The following ANKRD17 variants were observed in gnomAD, a reference collection of about 807,000 sequenced individuals.
The protein encoded by ANKRD17 is ankyrin repeat domain 17.
In ANKRD17, 19 loss-of-function variants were observed where a neutral mutation model predicts 229.7. That is an observed-to-expected ratio of 0.08 (90% CI 0.06 to 0.12). ANKRD17 has a LOEUF of 0.12. Among genes scored for constraint, ANKRD17 ranks in the 10% least tolerant of loss-of-function variants. ANKRD17 has a pLI of 1.00. For synonymous variants in ANKRD17, 1,112 were observed against 1,146.1 expected, an observed-to-expected ratio of 0.97 and a Z score of 0.60; for missense variants, 2,176 against 3,176.8, an observed-to-expected ratio of 0.68 and a Z score of 7.57.
intron 1 of ANKRD17, among the ~76,000 whole-genome samples, chr4:73,209,442 C>T (rs1017591025): frequency 3.3e-5 from 5 of 151,952 alleles, no homozygotes; most frequent in African/African-American, 1.2e-4. Flanking sequence ...CACAATTTAT[C>T]AAATCTGACA....
Position 73,147,812 on chromosome 4 carries a change from G to C in ANKRD17, c.1568-380C>G, listed in dbSNP as rs187745561. ...AACATTCAATAAGCTCTATTTCCCA[G>C]GCAATATCAAAGCATTTTACAACTT... On this transcript the variant is annotated intron_variant, in intron 8 of 33. Coordinates refer to ENST00000358602, the MANE Select transcript of ANKRD17 (RefSeq NM_032217.5). Among the ~76,000 whole-genome samples the C allele has an allele frequency of 3.3e-5, 5 of 151,924 alleles. No homozygotes were observed. The East Asian group carries it at 9.7e-4, about 29-fold the overall frequency.
intron 16 of ANKRD17, among the ~76,000 whole-genome samples, chr4:73,128,956 A>C (rs1409702383): frequency 6.6e-6 from 1 of 152,216 alleles, no homozygotes; most frequent in Non-Finnish European, 1.5e-5. Flanking sequence ...TAATCATGGA[A>C]ATAATTATAA....
At chr4:73,096,914 T>C (rs562522307) in intron 27 of ANKRD17, among the ~76,000 whole-genome samples, 9 of 152,156 alleles carry the variant, frequency 5.9e-5, no homozygotes, top group Non-Finnish European at 1.3e-4. Flanking sequence ...CAAAGCAAAC[T>C]CCAATACTTT....
intron 9 of ANKRD17, 81 bp from the exon 10 acceptor site, chr4:73,146,954 A>G (rs540266841): frequency 9.5e-6 from 11 of 1,156,162 alleles, no homozygotes; most frequent in East Asian, 2.4e-5. Context: ...CTTCTTCTAG[A>G]TAAGTCATAC....
rs1577969098 is a variant in ANKRD17 at position 73,076,310 on chromosome 4, A to G, written c.7753-20T>C. The G allele has an allele frequency of 1.9e-6, 3 of 1,553,674 alleles. No individual in the cohort carries two copies. The highest frequency in any genetic ancestry group is 2.5e-5 in the South Asian group (2 of 80,860). ...CCACACCTATGAATATAGAGCATGC[A>G]TTTTACAAAATATATATCTAGCATA... On this transcript the variant is annotated intron_variant, in intron 33 of 33. Coordinates refer to ENST00000358602, the MANE Select transcript of ANKRD17 (RefSeq NM_032217.5).
rs934438411 is a variant in ANKRD17, at chr4:73,229,248, G to A, written c.393+29028C>T. Reference sequence around the variant, plus strand: ...GTATACATATGTAACAAACCTGCACGTTGTGCACATGTACCCTAGAACTTA... The same window carrying A: ...GTATACATATGTAACAAACCTGCACATTGTGCACATGTACCCTAGAACTTA... On this transcript the variant is annotated intron_variant, in intron 1 of 33. Transcript: ENST00000358602. 9.9e-5 allele frequency among the ~76,000 whole-genome samples: 15 copies of A among 152,216 alleles called. No individual in the cohort carries two copies. The East Asian group carries it at 1.7e-3, about 18-fold the overall frequency.
chr4:73,162,153 A>G (rs1434227246), intron 2 of ANKRD17, among the ~76,000 whole-genome samples: 1 of 151,654 alleles, frequency 6.6e-6, no homozygotes, highest in East Asian at 1.9e-4. Flanking sequence ...TGGGTTCAAA[A>G]TCTTCCTGCC....
intron 25 of ANKRD17, chr4:73,101,210 T>G (rs1445875646): frequency 1.0e-6 from 1 of 976,770 alleles, no homozygotes; most frequent in African/African-American, 1.8e-5. Flanking sequence ...TATACTTCCA[T>G]CCCAAATAAC....
chr4:73,250,399 G>C (rs1744882861), intron 1 of ANKRD17, among the ~76,000 whole-genome samples: 1 of 151,446 alleles, frequency 6.6e-6, no homozygotes, highest in South Asian at 2.1e-4. Flanking sequence ...CCGGGAGTTT[G>C]CGACCAGCCG....
intron 1 of ANKRD17, among the ~76,000 whole-genome samples, chr4:73,246,701 G>C (rs2149272157): frequency 1.3e-5 from 2 of 152,256 alleles, no homozygotes; most frequent in East Asian, 3.9e-4. Flanking sequence ...TATGTTTGCT[G>C]TGCGGGGTAA....
At chr4:73,081,991 A>G (rs1019782951) in intron 30 of ANKRD17, among the ~76,000 whole-genome samples, 1 of 152,022 alleles carries the variant, frequency 6.6e-6, no homozygotes, top group East Asian at 1.9e-4. Context: ...ACAAAAAAAA[A>G]TTTAACAAAT....
chr4:73,156,401 A>T (rs755736270), intron 3 of ANKRD17, among the ~76,000 whole-genome samples: 1 of 152,134 alleles, frequency 6.6e-6, no homozygotes, highest in Non-Finnish European at 1.5e-5. Context: ...GAACAACCAC[A>T]CCCAGCCAGA....
At position 73,148,883 on chromosome 4, in the gene ANKRD17, T is replaced by C. The variant is rs1730638387; in HGVS notation, c.1497A>G (p.Glu499=). Residue 499 remains glutamate, a synonymous_variant, in exon 8 of 34, where the codon GAA becomes GAG. Coordinates refer to ENST00000358602, the MANE Select transcript of ANKRD17 (RefSeq NM_032217.5). ...RGASLEEVND[E]GYTPLMEAAR... ...CTGCTTCCATCAATGGTGTATAACC[T>C]TCATCATTGACCTCTTCCAGGCTAG... 1 of 1,613,906 alleles carries C rather than the reference T, an allele frequency of 6.2e-7. No individual in the cohort carries two copies. Among genetic ancestry groups the C allele is most frequent in the South Asian group, 1.1e-5 (1 of 91,078 alleles).
In ANKRD17 at chr4:73,099,664, G is replaced by A. The variant is rs144630306; in HGVS notation, c.4574-1144C>T. 3.3e-4 allele frequency among the ~76,000 whole-genome samples: 51 copies of A among 152,284 alleles called. No homozygotes were observed. The East Asian group carries it at 6.2e-3, about 19-fold the overall frequency. On this transcript the variant is annotated intron_variant, in intron 25 of 33. Transcript: ENST00000358602. ...TGTGGCCAATGGAGGGGGTGCTGGC[G>A]CCAGGATTCCCCCAGCCAAACTGTG...
chr4:73,252,149 A>G (rs1263741235), intron 1 of ANKRD17, among the ~76,000 whole-genome samples: 2 of 152,224 alleles, frequency 1.3e-5, no homozygotes, highest in African/African-American at 2.4e-5. Flanking sequence ...AGAACCTAGC[A>G]GAGATACAAA....
Position 73,140,075 on chromosome 4 carries a change from C to T in ANKRD17, c.2541G>A (p.Lys847=). The change falls in exon 15 of 34, where the codon AAG becomes AAA. Residue 847 remains lysine, a synonymous_variant. Transcript: ENST00000358602. Reference sequence around the variant, plus strand: ...CCCTTGTTTTGTTGAGCTCCTCGATCTTCTCCTTGGTAAGTTGGTCAGCAT... The same window carrying T: ...CCCTTGTTTTGTTGAGCTCCTCGATTTTCTCCTTGGTAAGTTGGTCAGCAT... ...LAHADQLTKE[K]IEELNKTREE... is the part of the protein sequence containing the mutation. The T allele has an allele frequency of 1.2e-6, 2 of 1,614,180 alleles. No individual in the cohort carries two copies. Among genetic ancestry groups the T allele is most frequent in the Non-Finnish European group, 1.7e-6 (2 of 1,180,040 alleles).
At chr4:73,194,930 T>C (rs531432186) in intron 1 of ANKRD17, among the ~76,000 whole-genome samples, 1 of 152,312 alleles carries the variant, frequency 6.6e-6, no homozygotes, top group East Asian at 1.9e-4. Flanking sequence ...TCATGTTTTT[T>C]GGTGCAATTA....
At chr4:73,100,807 G>A in intron 25 of ANKRD17, 1 of 976,264 alleles carries the variant, frequency 1.0e-6, no homozygotes, top group South Asian at 4.7e-5. Flanking sequence ...ATAAAATGCT[G>A]GAGAAGGGAA....
intron 1 of ANKRD17, among the ~76,000 whole-genome samples, chr4:73,254,653 A>C (rs1745301940): frequency 6.6e-6 from 1 of 152,070 alleles, no homozygotes; most frequent in Admixed American, 6.6e-5. Flanking sequence ...CTGTAATTCC[A>C]GCTACTCGGG....
Sources: gnomAD v4.1 joint callset for allele counts (sites outside exome capture counted in the v4.1 genomes callset) on GRCh38, gnomAD v4.1.1 for gene constraint, MANE v1.5 for transcripts, NCBI Gene and HGNC (gene_info 2026-07-23, HGNC 2026-07-21) for gene names.